Variants in FREM2 observed in about 807,000 individuals in gnomAD.
The protein encoded by FREM2 is FRAS1-related extracellular matrix protein 2.
A neutral mutation model predicts 219.9 loss-of-function variants in FREM2; 119 were observed. The observed-to-expected ratio is 0.54, with a 90% CI of 0.47 to 0.63. The LOEUF (loss-of-function observed/expected upper bound fraction) is 0.63. Among genes scored for constraint, FREM2 ranks in the 30% least tolerant of loss-of-function variants. The pLI is 0.00. For synonymous variants in FREM2, 1,562 were observed against 1,522.8 expected (o/e 1.03, Z -0.60); for missense variants, 4,030 against 3,993.6 (o/e 1.01, Z -0.25).
intron 6 of FREM2, among the ~76,000 whole-genome samples, chr13:38,831,268 C>A (rs189326999): frequency 7.2e-5 from 11 of 152,274 alleles, no homozygotes; most frequent in Admixed American, 5.9e-4. Context: ...CATGAAGCCT[C>A]TTCACATGCT....
intron 2 of FREM2, among the ~76,000 whole-genome samples, chr13:38,710,887 G>A (rs938839804): frequency 6.6e-6 from 1 of 152,170 alleles, no homozygotes; most frequent in East Asian, 1.9e-4. Context: ...GAACACATAG[G>A]TGTATATGGA....
intron 8 of FREM2, among the ~76,000 whole-genome samples, chr13:38,849,826 T>G (rs1393453144): frequency 6.6e-6 from 1 of 152,160 alleles, no homozygotes; most frequent in Admixed American, 6.6e-5. Context: ...ATACCCTTAC[T>G]TTACCAAACA....
At chr13:38,858,625 T>G (rs1400280199) in intron 13 of FREM2, among the ~76,000 whole-genome samples, 5 of 152,218 alleles carry the variant, frequency 3.3e-5, no homozygotes, top group African/African-American at 1.2e-4. Flanking sequence ...AATTATGACT[T>G]ACTTATGTTT....
chr13:38,856,107 T>C lies in FREM2; in HGVS notation c.6926-19T>C. 1.3e-6 allele frequency: 2 copies of C among 1,582,048 alleles called. No individual in the cohort carries two copies. Among genetic ancestry groups the C allele is most frequent in the Non-Finnish European group, 1.7e-6 (2 of 1,152,824 alleles). ...TATTCATATGCAAATGATTTAAATCTGTGATGTTACATTTGTAGAAATTGA... is the reference window on the plus strand; with the variant it reads ...TATTCATATGCAAATGATTTAAATCCGTGATGTTACATTTGTAGAAATTGA... On this transcript the variant is annotated intron_variant, in intron 11 of 23. Transcript: ENST00000280481.
chr13:38,704,277 A>C (rs879307725), intron 2 of FREM2, among the ~76,000 whole-genome samples: 9 of 152,212 alleles, frequency 5.9e-5, no homozygotes, highest in Non-Finnish European at 1.3e-4. Flanking sequence ...AGTGATGAAT[A>C]TTACAGTCAT....
intron 6 of FREM2, among the ~76,000 whole-genome samples, chr13:38,836,058 G>A (rs1566160228): frequency 6.6e-6 from 1 of 152,094 alleles, no homozygotes; most frequent in African/African-American, 2.4e-5. Context: ...TTGCCCATTT[G>A]TGTGATATTG....
Position 38,691,653 on chromosome 13 carries a change from G to T in FREM2, c.4309G>T (p.Val1437Phe), listed in dbSNP as rs1341655192. Residue 1437 changes from valine (V) to phenylalanine (F), a missense_variant, in exon 1 of 24, where the codon GTC (valine) becomes TTC (phenylalanine). Val to Phe is a conservative substitution (Grantham distance 50). Around this residue, in one of 2 missense-constraint regions of FREM2, gnomAD observed 3,102 missense variants for 2,950.7 expected, o/e 1.05. Coordinates refer to ENST00000280481, the MANE Select transcript of FREM2 (RefSeq NM_207361.6). ...KGVSLKEGGK[V>F]TLTTDLLSTS... ...AGTGTCCTTGAAAGAAGGTGGCAAA[G>T]TCACTCTTACAACAGACCTACTAAG... is the stretch of plus-strand genomic sequence containing the variant. The T allele has an allele frequency of 1.2e-6, 2 of 1,614,022 alleles. No homozygotes were observed. Among genetic ancestry groups the T allele is most frequent in the African/African-American group, 2.7e-5 (2 of 74,904 alleles).
rs892902473 is a variant in FREM2 at position 38,850,317 on chromosome 13, T to C, written c.6577+82T>C. On this transcript the variant is annotated intron_variant, in intron 9 of 23. Transcript: ENST00000280481. ...GAAATATATATCAGGGAAATACAAG[T>C]TCCTCGATATCAACAAGCATATGGC... 4 of 1,108,558 alleles carry C rather than the reference T, an allele frequency of 3.6e-6. No homozygotes were observed. In the African/African-American group the frequency reaches 4.6e-5, roughly 13 times the overall value. 68.7% of individuals were successfully genotyped at this position (1,108,558 alleles called of 1,614,324 possible). A position where few individuals can be genotyped will look rare whatever the true frequency, so the allele number is the denominator to read the frequency against.
chr13:38,742,822 A>G (rs1872303307), intron 2 of FREM2, among the ~76,000 whole-genome samples: 1 of 152,208 alleles, frequency 6.6e-6, no homozygotes, highest in Admixed American at 6.5e-5. Context: ...GGTTCCCTAT[A>G]TTCTACTGAA....
intron 6 of FREM2, among the ~76,000 whole-genome samples, chr13:38,825,519 C>T (rs1876248461): frequency 6.6e-6 from 1 of 152,058 alleles, no homozygotes; most frequent in Non-Finnish European, 1.5e-5. Context: ...TTGAGTTTTC[C>T]TAGGTACGTC....
chr13:38,871,694 A>G (rs1056688857), intron 16 of FREM2, among the ~76,000 whole-genome samples: 1 of 152,150 alleles, frequency 6.6e-6, no homozygotes, highest in Non-Finnish European at 1.5e-5. Flanking sequence ...TCTATCCGTC[A>G]TCCATTGACC....
At chr13:38,847,763 A>T (rs1323810116) in intron 7 of FREM2, among the ~76,000 whole-genome samples, 1 of 152,162 alleles carries the variant, frequency 6.6e-6, no homozygotes, top group Non-Finnish European at 1.5e-5. Context: ...AATATTATCG[A>T]TCTGTTGCCC....
chr13:38,855,731 A>G (rs1221427468), intron 11 of FREM2, among the ~76,000 whole-genome samples: 1 of 152,116 alleles, frequency 6.6e-6, no homozygotes, highest in Non-Finnish European at 1.5e-5. Context: ...ACTCCAGGGA[A>G]AGGGTGGGAG....
chr13:38,733,599 GGT>G (rs1052483532), intron 2 of FREM2, among the ~76,000 whole-genome samples: 50 of 151,940 alleles, frequency 3.3e-4, no homozygotes, highest in African/African-American at 1.2e-3. Context: ...ATTAAAAAAA[GGT>G]TGTCAAGAAA....
At chr13:38,705,929 A>T (rs1382120357) in intron 2 of FREM2, among the ~76,000 whole-genome samples, 1 of 152,182 alleles carries the variant, frequency 6.6e-6, no homozygotes, top group Admixed American at 6.5e-5. Context: ...ATACACAGGG[A>T]TGGAAAGTCA....
At chr13:38,746,639 T>G (rs1174575825) in intron 2 of FREM2, among the ~76,000 whole-genome samples, 1 of 152,174 alleles carries the variant, frequency 6.6e-6, no homozygotes, top group Admixed American at 6.5e-5. Context: ...TAGGAAACCT[T>G]GAAAAGATAA....
intron 6 of FREM2, among the ~76,000 whole-genome samples, chr13:38,833,043 A>G (rs1338821104): frequency 1.3e-5 from 2 of 152,140 alleles, no homozygotes; most frequent in Non-Finnish European, 2.9e-5. Context: ...TGTCTCGAAA[A>G]AAAAGCAAAA....
intron 6 of FREM2, among the ~76,000 whole-genome samples, chr13:38,801,492 TGA>T (rs1875005048): frequency 6.6e-6 from 1 of 152,232 alleles, no homozygotes; most frequent in Admixed American, 6.5e-5. Flanking sequence ...TTTTAGGTGA[TGA>T]CTTTTTATTG....
intron 6 of FREM2, among the ~76,000 whole-genome samples, chr13:38,825,333 A>G (rs1876239439): frequency 1.3e-5 from 2 of 152,122 alleles, no homozygotes; most frequent in Non-Finnish European, 2.9e-5. Flanking sequence ...GTATGCAGGC[A>G]GGAGGGTTGG....
Sources: allele counts gnomAD v4.1 joint callset (sites outside exome capture counted in the v4.1 genomes callset), GRCh38; gene constraint gnomAD v4.1.1; regional missense constraint gnomAD v4.1.1; transcripts MANE v1.5; gene names NCBI Gene and HGNC (gene_info 2026-07-23, HGNC 2026-07-21).